The following ENOX1 variants were observed in gnomAD, a reference collection of about 807,000 sequenced individuals.
ENOX1 encodes the protein candidate growth-related and time keeping constitutive hydroquinone (NADH) oxidase.
ENOX1 carries 42 observed loss-of-function variants against 82.5 expected under a neutral mutation model. The ratio of observed to expected loss-of-function variants is 0.51; its 90% confidence interval spans 0.40 to 0.66. ENOX1 has a LOEUF of 0.66. Among genes scored for constraint, ENOX1 ranks in the 30% least tolerant of loss-of-function variants. ENOX1 has a pLI of 0.00. For synonymous variants in ENOX1, 271 were observed against 282.2 expected, an observed-to-expected ratio of 0.96 and a Z score of 0.40; for missense variants, 608 against 811.6, an observed-to-expected ratio of 0.75 and a Z score of 3.05.
intron 2 of ENOX1, among the ~76,000 whole-genome samples, chr13:43,508,099 T>G (rs1357732457): frequency 1.3e-5 from 2 of 151,944 alleles, no homozygotes; most frequent in African/African-American, 4.8e-5. Context: ...TGGTCTGAAC[T>G]TGTCCAAAAT....
intron 3 of ENOX1, among the ~76,000 whole-genome samples, chr13:43,438,783 G>A (rs568014754): frequency 1.3e-5 from 2 of 152,194 alleles, no homozygotes; most frequent in Non-Finnish European, 2.9e-5. Flanking sequence ...TCACCCCCAG[G>A]AGATTCTGAT....
At chr13:43,718,724 A>T (rs995541323) in intron 1 of ENOX1, among the ~76,000 whole-genome samples, 1 of 148,976 alleles carries the variant, frequency 6.7e-6, no homozygotes, top group Non-Finnish European at 1.5e-5. Flanking sequence ...AATCATAATA[A>T]AGCTGTTAAA....
At chr13:43,763,013 C>T (rs1048675818) in intron 1 of ENOX1, among the ~76,000 whole-genome samples, 1 of 152,166 alleles carries the variant, frequency 6.6e-6, no homozygotes, top group African/African-American at 2.4e-5. Context: ...TGCATTGAAT[C>T]TTCTTCATAT....
intron 3 of ENOX1, among the ~76,000 whole-genome samples, chr13:43,457,102 C>T (rs912893364): frequency 6.6e-6 from 1 of 151,906 alleles, no homozygotes. Flanking sequence ...TTATTCTTTA[C>T]TAATTTTAGT....
chr13:43,741,877 T>C (rs532472811), intron 1 of ENOX1, among the ~76,000 whole-genome samples: 2 of 152,350 alleles, frequency 1.3e-5, no homozygotes, highest in South Asian at 4.1e-4. Flanking sequence ...TTAGGTCTTA[T>C]TTTAGGCCTT....
intron 10 of ENOX1, among the ~76,000 whole-genome samples, chr13:43,323,774 AG>A (rs2047948335): frequency 1.3e-5 from 2 of 152,264 alleles, no homozygotes; most frequent in African/African-American, 4.8e-5. Context: ...CTGATTTATT[AG>A]GGGCATGACT....
intron 2 of ENOX1, among the ~76,000 whole-genome samples, chr13:43,664,294 T>G (rs1484216899): frequency 3.3e-5 from 5 of 152,198 alleles, no homozygotes; most frequent in Non-Finnish European, 7.4e-5. Context: ...AATTAGAGAA[T>G]GCAAAATGGA....
intron 16 of ENOX1, among the ~76,000 whole-genome samples, chr13:43,222,312 C>G (rs994036302): frequency 1.3e-5 from 2 of 151,896 alleles, no homozygotes; most frequent in African/African-American, 2.4e-5. Context: ...CCCGCCACCC[C>G]CTCCCCGCCA....
At chr13:43,261,575 A>C (rs532273337) in intron 14 of ENOX1, among the ~76,000 whole-genome samples, 1 of 152,224 alleles carries the variant, frequency 6.6e-6, no homozygotes, top group African/African-American at 2.4e-5. Context: ...CATGTCTTTG[A>C]CTTGGAACCA....
intron 2 of ENOX1, among the ~76,000 whole-genome samples, chr13:43,604,941 G>A (rs1172539286): frequency 6.6e-6 from 1 of 152,092 alleles, no homozygotes; most frequent in African/African-American, 2.4e-5. Context: ...AACATTCAAT[G>A]ATCAGTAGTG....
chr13:43,422,212 C>T (rs2055019915), intron 3 of ENOX1, among the ~76,000 whole-genome samples: 3 of 152,160 alleles, frequency 2.0e-5, no homozygotes. Context: ...CCACACCTCC[C>T]TGGCAACCAA....
At chr13:43,622,382 A>G (rs1033740469) in intron 2 of ENOX1, among the ~76,000 whole-genome samples, 3 of 152,210 alleles carry the variant, frequency 2.0e-5, no homozygotes, top group African/African-American at 7.2e-5. Flanking sequence ...AGGCTCTGTC[A>G]GAGGGAAGGT....
intron 2 of ENOX1, among the ~76,000 whole-genome samples, chr13:43,571,692 A>G (rs1407205216): frequency 1.3e-5 from 2 of 152,156 alleles, no homozygotes; most frequent in African/African-American, 2.4e-5. Context: ...CTCTGTCTCA[A>G]AAAACAAACA....
intron 5 of ENOX1, among the ~76,000 whole-genome samples, chr13:43,371,166 G>C (rs146586769): frequency 1.3e-5 from 2 of 152,304 alleles, no homozygotes; most frequent in East Asian, 3.9e-4. Context: ...GACTGAATTG[G>C]CTCTTGGTGT....
At chr13:43,229,033 C>T (rs961986658) in intron 15 of ENOX1, among the ~76,000 whole-genome samples, 4 of 152,168 alleles carry the variant, frequency 2.6e-5, no homozygotes, top group East Asian at 1.9e-4. Context: ...TGGGAGATAA[C>T]TGAATCATAG....
intron 3 of ENOX1, among the ~76,000 whole-genome samples, chr13:43,482,438 T>A (rs1160935141): frequency 2.0e-5 from 3 of 152,092 alleles, no homozygotes; most frequent in Non-Finnish European, 2.9e-5. Flanking sequence ...GTCAAACTCA[T>A]AGAATAAGGT....
At chr13:43,283,712 A>T (rs1268636881) in intron 12 of ENOX1, among the ~76,000 whole-genome samples, 1 of 151,800 alleles carries the variant, frequency 6.6e-6, no homozygotes, top group African/African-American at 2.4e-5. Context: ...TGGCCTCCCA[A>T]AGTGTTAAAA....
At chr13:43,575,860 G>A (rs190738852) in intron 2 of ENOX1, among the ~76,000 whole-genome samples, 211 of 152,280 alleles carry the variant, frequency 1.4e-3, no homozygotes, top group African/African-American at 5.0e-3. Context: ...AAGGGATGAT[G>A]TTCACTTTGA....
chr13:43,408,947 C>A (rs145027589), intron 5 of ENOX1, among the ~76,000 whole-genome samples: 443 of 147,774 alleles, frequency 3.0e-3, no homozygotes, highest in Middle Eastern at 0.022. Flanking sequence ...AAAAAAGAAC[C>A]AACATTAAGA....
Sources: gnomAD v4.1 joint callset for allele counts (sites outside exome capture counted in the v4.1 genomes callset) on GRCh38, gnomAD v4.1.1 for gene constraint, MANE v1.5 for transcripts, NCBI Gene and HGNC (gene_info 2026-07-23, HGNC 2026-07-21) for gene names.